The following SSH2 variants were observed in gnomAD, a reference collection of about 807,000 sequenced individuals.
The protein encoded by SSH2 is slingshot protein phosphatase 2.
SSH2 carries 37 observed loss-of-function variants against 135.2 expected under a neutral mutation model. The ratio of observed to expected loss-of-function variants is 0.27; its 90% CI spans 0.21 to 0.36. The LOEUF (loss-of-function observed/expected upper bound fraction) is 0.36. Ranked by LOEUF, SSH2 falls within the 10% of genes least tolerant of loss-of-function variation. The pLI is 1.00. For missense variants in SSH2, 1,408 were observed against 1,765.3 expected (o/e 0.80, Z 3.63); for synonymous variants, 628 against 646.2 (o/e 0.97, Z 0.43).
At chr17:29,722,038 A>G (rs1015095751) in intron 3 of SSH2, among the ~76,000 whole-genome samples, 3 of 152,144 alleles carry the variant, frequency 2.0e-5, no homozygotes, top group Admixed American at 2.0e-4. Context: ...GCACTTTGGG[A>G]GGCTGAGGAG....
At chr17:29,692,098 C>T (rs1468062736) in intron 5 of SSH2, among the ~76,000 whole-genome samples, 1 of 151,176 alleles carries the variant, frequency 6.6e-6, no homozygotes, top group Non-Finnish European at 1.5e-5. Flanking sequence ...CAAGATCGAG[C>T]CACTGCACTC....
At chr17:29,769,354 A>G (rs1478014250) in intron 3 of SSH2, among the ~76,000 whole-genome samples, 1 of 152,104 alleles carries the variant, frequency 6.6e-6, no homozygotes, top group Non-Finnish European at 1.5e-5. Flanking sequence ...TGCATCTGGT[A>G]TTTTCTTCTC....
chr17:29,821,706 G>A lies in SSH2; in HGVS notation c.144+27143C>T, dbSNP rs567410590. 1.5e-4 allele frequency among the ~76,000 whole-genome samples: 23 copies of A among 150,824 alleles called. No individual in the cohort carries two copies. The South Asian group carries it at 3.6e-3, about 23-fold the overall frequency. ...TGTTGCCAGGCTGGAGTGCAGCGGCGCGATCTCGGCTCACTGCAACCTCTG... is the reference window on the plus strand; with the variant it reads ...TGTTGCCAGGCTGGAGTGCAGCGGCACGATCTCGGCTCACTGCAACCTCTG... On this transcript the variant is annotated intron_variant, in intron 2 of 15. Coordinates refer to ENST00000540801, the MANE Select transcript of SSH2 (RefSeq NM_001282129.2).
rs569525317 is a variant in SSH2, at chr17:29,731,181, C to G, written c.189-28119G>C. On this transcript the variant is annotated intron_variant, in intron 3 of 15. Transcript: ENST00000540801. ...AACATTTAAAGGCAGATAGGAAAAA[C>G]ATGGAATAGACAGGTGACCTGGAGT... Among the ~76,000 whole-genome samples the G allele has an allele frequency of 3.3e-5, 5 of 152,204 alleles. No individual in the cohort carries two copies. The East Asian group carries it at 7.7e-4, about 24-fold the overall frequency.
chr17:29,720,751 GAGGAGGAGGAAC>G (rs1005173067), intron 3 of SSH2, among the ~76,000 whole-genome samples: 102 of 152,266 alleles, frequency 6.7e-4, no homozygotes, highest in Middle Eastern at 3.4e-3. Flanking sequence ...AACGATGATG[GAGGAGGAGGAAC>G]AGGAGGAGGA....
chr17:29,922,917 A>T (rs961848663), intron 1 of SSH2, among the ~76,000 whole-genome samples: 3 of 152,218 alleles, frequency 2.0e-5, no homozygotes, highest in Non-Finnish European at 4.4e-5. Flanking sequence ...TCTTTAAAAA[A>T]ATTGGGTTTT....
intron 3 of SSH2, among the ~76,000 whole-genome samples, chr17:29,742,915 G>A (rs549549888): frequency 1.1e-4 from 17 of 151,938 alleles, no homozygotes; most frequent in Middle Eastern, 3.4e-3. Context: ...GATTACAGGC[G>A]TGAGCCCCTG....
chr17:29,888,223 G>C (rs900880429), intron 1 of SSH2, among the ~76,000 whole-genome samples: 5 of 152,140 alleles, frequency 3.3e-5, no homozygotes, highest in Non-Finnish European at 5.9e-5. Context: ...GACCGAAAGA[G>C]TAAGACCCTG....
At chr17:29,929,636 G>A (rs534184936) in intron 1 of SSH2, among the ~76,000 whole-genome samples, 1 of 152,100 alleles carries the variant, frequency 6.6e-6, no homozygotes, top group East Asian at 1.9e-4. Context: ...GGGGGAGGGT[G>A]AAAAGCAAGA....
At chr17:29,701,207 G>A (rs2038963740) in intron 4 of SSH2, among the ~76,000 whole-genome samples, 1 of 151,982 alleles carries the variant, frequency 6.6e-6, no homozygotes, top group Non-Finnish European at 1.5e-5. Flanking sequence ...TCCTGACCTT[G>A]TGATCCGCCC....
intron 4 of SSH2, among the ~76,000 whole-genome samples, 170 bp downstream of exon 4, chr17:29,702,789 G>A (rs543719330): frequency 2.6e-5 from 4 of 152,168 alleles, no homozygotes; most frequent in East Asian, 3.9e-4. Context: ...GGCTTTTTGC[G>A]AAGCGCTAAA....
chr17:29,759,949 C>A (rs1009299185), intron 3 of SSH2, among the ~76,000 whole-genome samples: 7 of 152,118 alleles, frequency 4.6e-5, no homozygotes, highest in Non-Finnish European at 8.8e-5. Flanking sequence ...CGTTTTTAGA[C>A]GGAAAATGCA....
intron 3 of SSH2, among the ~76,000 whole-genome samples, chr17:29,772,984 C>T (rs1249554914): frequency 6.6e-6 from 1 of 151,982 alleles, no homozygotes. Flanking sequence ...TGGGACTTCT[C>T]GGCTTCCATA....
chr17:29,737,057 C>A (rs1193889261), intron 3 of SSH2, among the ~76,000 whole-genome samples: 6 of 139,236 alleles, frequency 4.3e-5, no homozygotes, highest in Non-Finnish European at 7.5e-5. Context: ...CAAGATCGCA[C>A]CACTGCACTC....
At chr17:29,661,098 A>G (rs1193382536) in intron 11 of SSH2, among the ~76,000 whole-genome samples, 1 of 149,388 alleles carries the variant, frequency 6.7e-6, no homozygotes, top group Non-Finnish European at 1.5e-5. Flanking sequence ...GCAAATACTC[A>G]TTTTCTCTAT....
intron 3 of SSH2, chr17:29,775,682 C>T (rs2151279163): frequency 6.6e-6 from 1 of 152,212 alleles, no homozygotes; most frequent in South Asian, 2.1e-4. Context: ...TTAACCTTGG[C>T]TGTTTCATTT....
rs576839681 is a variant in SSH2, at chr17:29,699,892, G to A, written c.292+3067C>T. ...ACTGGGGAGGAAGGTTTTAGAAAGT[G>A]TAATCCAAGCTAATTTCCAAAAGAG... On this transcript the variant is annotated intron_variant, in intron 4 of 15. Transcript: ENST00000540801. Among the ~76,000 whole-genome samples, 81 of 152,348 alleles carry A rather than the reference G, an allele frequency of 5.3e-4. 1 individual carries two copies. Among genetic ancestry groups the A allele is most frequent in the African/African-American group, 1.9e-3 (81 of 41,586 alleles).
chr17:29,794,540 G>A (rs540530278), intron 2 of SSH2, among the ~76,000 whole-genome samples: 7 of 152,236 alleles, frequency 4.6e-5, no homozygotes, highest in Middle Eastern at 3.4e-3. Context: ...CAGTAACATA[G>A]GATAAATCAA....
intron 1 of SSH2, among the ~76,000 whole-genome samples, chr17:29,894,127 C>G (rs991864727): frequency 6.6e-6 from 1 of 152,054 alleles, no homozygotes; most frequent in Non-Finnish European, 1.5e-5. Context: ...CTGCCACTTA[C>G]TGTGTAAGCT....
Sources: allele counts gnomAD v4.1 joint callset (sites outside exome capture counted in the v4.1 genomes callset), GRCh38; gene constraint gnomAD v4.1.1; transcripts MANE v1.5; gene names NCBI Gene and HGNC (gene_info 2026-07-23, HGNC 2026-07-21).